LETM2: variants seen among roughly 807,000 people sequenced by gnomAD.
LETM2 encodes the protein leucine zipper and EF-hand containing transmembrane protein 2.
LETM2 carries 58 observed loss-of-function variants against 59.6 expected under a neutral mutation model. The ratio of observed to expected loss-of-function variants is 0.97; its 90% confidence interval spans 0.79 to 1.21. The LOEUF (loss-of-function observed/expected upper bound fraction) is 1.21, where lower values mean the gene tolerates loss of function less well. LETM2 is among the 50% of genes most tolerant of loss of function. The pLI is 0.00. For synonymous variants in LETM2, 199 were observed against 214.1 expected (o/e 0.93, Z 0.62); for missense variants, 572 against 575.7 (o/e 0.99, Z 0.07).
chr8:38,408,164 C>T (rs376956106), intron 10 of LETM2, 48 bp from the exon 11 acceptor site: 14 of 1,479,008 alleles, frequency 9.5e-6, no homozygotes, highest in African/African-American at 2.8e-5. Context: ...TCCTTAAGAA[C>T]TTACACGTCT....
At position 38,394,247 on chromosome 8, in the gene LETM2, A is replaced by C. The variant is rs1563387619; in HGVS notation, c.645+6A>C. ...TTGAAAGTGAATCCAAAAAGGTATG[A>C]TTTTTTAACTTTAATAAAATTTAAT... is the stretch of plus-strand genomic sequence containing the variant. On this transcript the variant is annotated splice_donor_region_variant and intron_variant, in intron 4 of 10. Transcript: ENST00000379957. The C allele has an allele frequency of 4.1e-6, 6 of 1,446,600 alleles. No homozygotes were observed. In the South Asian group the frequency reaches 8.3e-5, roughly 20 times the overall value. The allele number at this position is 1,446,600 out of a possible 1,614,324, so 89.6% of individuals were successfully genotyped here.
upstream of LETM2, among the ~76,000 whole-genome samples, chr8:38,385,851 T>A (rs1811753864): frequency 6.6e-6 from 1 of 152,262 alleles, no homozygotes; most frequent in African/African-American, 2.4e-5. Flanking sequence ...CTGCAGTGTC[T>A]GTCATTTCAC....
intron 4 of LETM2, among the ~76,000 whole-genome samples, chr8:38,394,973 T>C (rs61164234): frequency 1.3e-5 from 2 of 152,080 alleles, no homozygotes; most frequent in Non-Finnish European, 2.9e-5. Context: ...GAATGTCATA[T>C]AGTTGGGATC....
At chr8:38,392,504 T>C (rs1179025293) in intron 2 of LETM2, 38 bp from the exon 3 acceptor site, 1 of 1,178,556 alleles carries the variant, frequency 8.5e-7, no homozygotes, top group East Asian at 2.3e-5. Flanking sequence ...TTTGTAATAG[T>C]ATGTACTTAA....
At chr8:38,387,912 TTAA>T (rs1224484941) in intron 1 of LETM2, 35 bp from the exon 2 acceptor site, 1 of 820,298 alleles carries the variant, frequency 1.2e-6, no homozygotes, top group East Asian at 2.7e-5. Context: ...TGATGTATTT[TTAA>T]ACTACTAAAT....
At chr8:38,394,871 C>T (rs1033612214) in intron 4 of LETM2, among the ~76,000 whole-genome samples, 2 of 151,638 alleles carry the variant, frequency 1.3e-5, no homozygotes, top group Non-Finnish European at 2.9e-5. Flanking sequence ...AAAAAAATTC[C>T]CTGTGCTCCA....
At chr8:38,387,425 G>C (rs1156413042) in intron 1 of LETM2, among the ~76,000 whole-genome samples, 1 of 152,120 alleles carries the variant, frequency 6.6e-6, no homozygotes, top group African/African-American at 2.4e-5. Context: ...TCAGTAGCAA[G>C]GGAAACAGTT....
Position 38,392,663 on chromosome 8 carries a change from T to G in LETM2, c.169T>G (p.Ser57Ala). The change falls in exon 3 of 11, where the codon TCG (serine) becomes GCG (alanine). Residue 57 changes from serine (S) to alanine (A), a missense_variant. By Grantham distance (99) the Ser-to-Ala change is moderately conservative. Transcript: ENST00000379957. ...CMKNYESKKY[S>A]DPSQPGNTVL... ...GAAGAACTATGAGAGCAAGAAGTACTCGGATCCTAGTCAGCCAGGCAATAC... is the reference window on the plus strand; with the variant it reads ...GAAGAACTATGAGAGCAAGAAGTACGCGGATCCTAGTCAGCCAGGCAATAC... The G allele has an allele frequency of 6.2e-7, 1 of 1,614,162 alleles. No homozygotes were observed. The highest frequency in any genetic ancestry group is 8.5e-7 in the Non-Finnish European group (1 of 1,180,032).
chr8:38,399,513 C>G (rs1475682632), intron 4 of LETM2, among the ~76,000 whole-genome samples: 2 of 152,090 alleles, frequency 1.3e-5, no homozygotes, highest in Non-Finnish European at 2.9e-5. Context: ...CGCTGTGGCT[C>G]AAGCCTGTAA....
intron 1 of LETM2, 143 bp from the exon 2 acceptor site, chr8:38,387,807 T>C: frequency 1.8e-6 from 1 of 551,072 alleles, no homozygotes; most frequent in South Asian, 2.4e-5. Context: ...TATCTGATTG[T>C]TGGAAATGAG....
In LETM2 at chr8:38,392,746, G is replaced by C; in HGVS notation, c.252G>C (p.Leu84=). Residue 84 remains leucine, a synonymous_variant, in exon 3 of 11, where the codon CTG becomes CTC. Coordinates refer to ENST00000379957, the MANE Select transcript of LETM2 (RefSeq NM_001286819.2). ...AGCTACACACATCCACTTGCTGGCT[G>C]CAAGAAGTTCCTGGCAAACCTCAGC... ...IQKLHTSTCW[L]QEVPGKPQLE... The C allele has an allele frequency of 6.2e-7, 1 of 1,614,140 alleles. No homozygotes were observed. The highest frequency in any genetic ancestry group is 8.5e-7 in the Non-Finnish European group (1 of 1,180,028).
At chr8:38,396,167 TA>T (rs1264917887) in intron 4 of LETM2, among the ~76,000 whole-genome samples, 11 of 94,760 alleles carry the variant, frequency 1.2e-4, no homozygotes, top group African/African-American at 3.4e-4. Context: ...TTTATTTATT[TA>T]TTTTTTTTTT....
intron 2 of LETM2, among the ~76,000 whole-genome samples, chr8:38,388,451 GTGGCTCACA>G (rs1811951173): frequency 6.6e-6 from 1 of 151,364 alleles, no homozygotes; most frequent in African/African-American, 2.4e-5. Context: ...GCTGGGTGCA[GTGGCTCACA>G]CCTGTAATCC....
At chr8:38,405,557 G>A (rs1275132149) in intron 8 of LETM2, among the ~76,000 whole-genome samples, 1 of 152,138 alleles carries the variant, frequency 6.6e-6, no homozygotes, top group Non-Finnish European at 1.5e-5. Context: ...CCAACTTCAG[G>A]AAACACCATC....
Position 38,393,012 on chromosome 8 carries a change from T to C in LETM2, c.501+17T>C, listed in dbSNP as rs1812421983. The C allele has an allele frequency of 6.4e-7, 1 of 1,551,124 alleles. No homozygotes were observed. Among genetic ancestry groups the C allele is most frequent in the African/African-American group, 1.4e-5 (1 of 72,744 alleles). Reference sequence around the variant, plus strand: ...AGACGAAGGGTAGGCAAGAATCATATTTGAGAAAGAAAATGTGAAATTAAA... The same window carrying C: ...AGACGAAGGGTAGGCAAGAATCATACTTGAGAAAGAAAATGTGAAATTAAA... On this transcript the variant is annotated intron_variant, in intron 3 of 10. Coordinates refer to ENST00000379957, the MANE Select transcript of LETM2 (RefSeq NM_001286819.2).
intron 4 of LETM2, among the ~76,000 whole-genome samples, chr8:38,397,641 T>G (rs1377578247): frequency 6.6e-6 from 1 of 152,094 alleles, no homozygotes; most frequent in Non-Finnish European, 1.5e-5. Context: ...GAATTTAGGC[T>G]TTCCCTTTCA....
upstream of LETM2, chr8:38,383,415 C>T (rs1405776382): frequency 6.6e-6 from 1 of 152,058 alleles, no homozygotes; most frequent in East Asian, 1.9e-4. Flanking sequence ...ATGAGGAAAC[C>T]GATACTCTGT....
rs749707283 is a variant in LETM2, at chr8:38,402,549, G to A, written c.1009G>A (p.Ala337Thr). 6.2e-6 allele frequency: 10 copies of A among 1,613,806 alleles called. No individual in the cohort carries two copies. The African/African-American group carries it at 1.2e-4, about 19-fold the overall frequency. Residue 337 changes from alanine to threonine, a missense_variant, in exon 7 of 11, where the codon GCA (alanine) becomes ACA (threonine). Transcript: ENST00000379957. ...GATAATTGCCAAGGAAGGGGTGACA[G>A]CATTGAGTGTATCAGAACTACAGGC... The part of the protein sequence containing the change: ...DEIIAKEGVT[A>T]LSVSELQAAC...
At chr8:38,408,147 C>A in intron 10 of LETM2, 65 bp from the exon 11 acceptor site, 1 of 1,195,396 alleles carries the variant, frequency 8.4e-7, no homozygotes, top group Non-Finnish European at 1.2e-6. Flanking sequence ...ACAAAAATAG[C>A]ATTCACTCCT....
Sources: allele counts gnomAD v4.1 joint callset (sites outside exome capture counted in the v4.1 genomes callset), GRCh38; gene constraint gnomAD v4.1.1; transcripts MANE v1.5; gene names NCBI Gene and HGNC (gene_info 2026-07-23, HGNC 2026-07-21).